COMMD1: variants seen among roughly 807,000 people sequenced by gnomAD.
COMMD1 encodes COMM domain-containing protein 1.
Under a neutral mutation model 17.2 loss-of-function variants are expected in COMMD1, and 10 were observed. That is an observed-to-expected ratio of 0.58 (90% CI 0.36 to 0.99). The LOEUF (loss-of-function observed/expected upper bound fraction) is 0.99, where lower values mean the gene tolerates loss of function less well. Ranked by LOEUF, COMMD1 falls within the 50% of genes least tolerant of loss-of-function variation. The probability of loss-of-function intolerance (pLI) is 0.01; values close to 1 mark genes in which losing one functional copy is unlikely to be tolerated. For missense variants in COMMD1, 270 were observed against 231.8 expected, an observed-to-expected ratio of 1.17 and a Z score of -1.07; for synonymous variants, 97 against 91.6, an observed-to-expected ratio of 1.06 and a Z score of -0.34.
At chr2:62,045,802 A>G (rs1055065983) in intron 2 of COMMD1, among the ~76,000 whole-genome samples, 2 of 131,324 alleles carry the variant, frequency 1.5e-5, no homozygotes, top group African/African-American at 5.9e-5. Flanking sequence ...CAGTGGCGCC[A>G]TCTCGGCCCA....
intron 2 of COMMD1, among the ~76,000 whole-genome samples, chr2:62,103,323 C>G (rs1159355572): frequency 6.6e-6 from 1 of 152,122 alleles, no homozygotes; most frequent in Non-Finnish European, 1.5e-5. Flanking sequence ...AACCTACACA[C>G]AAAAATGGAA....
At chr2:61,967,896 C>T (rs1474128162) in intron 1 of COMMD1, among the ~76,000 whole-genome samples, 1 of 152,170 alleles carries the variant, frequency 6.6e-6, no homozygotes, top group Non-Finnish European at 1.5e-5. Context: ...TGTGGTGGCT[C>T]ATGCCTATAA....
chr2:62,071,201 C>G (rs1046473066), intron 2 of COMMD1, among the ~76,000 whole-genome samples: 4 of 152,180 alleles, frequency 2.6e-5, no homozygotes, highest in Admixed American at 6.5e-5. Context: ...GTTCCTCCCC[C>G]TTTTATACCA....
At chr2:62,065,793 C>T (rs927487829) in intron 2 of COMMD1, among the ~76,000 whole-genome samples, 5 of 152,080 alleles carry the variant, frequency 3.3e-5, no homozygotes, top group Non-Finnish European at 7.4e-5. Context: ...TACCTCAAAG[C>T]AAAAATTAAT....
At chr2:61,945,080 C>T (rs1156537229) in intron 1 of COMMD1, among the ~76,000 whole-genome samples, 2 of 152,092 alleles carry the variant, frequency 1.3e-5, no homozygotes, top group African/African-American at 2.4e-5. Flanking sequence ...ACCAGAACAA[C>T]AACAAAAACC....
At chr2:62,059,839 C>T (rs1395372007) in intron 2 of COMMD1, among the ~76,000 whole-genome samples, 1 of 152,154 alleles carries the variant, frequency 6.6e-6, no homozygotes, top group Non-Finnish European at 1.5e-5. Context: ...GTGCTTACTC[C>T]ATTTGTGTTT....
At chr2:61,970,093 G>A (rs1404754800) in intron 1 of COMMD1, among the ~76,000 whole-genome samples, 1 of 151,644 alleles carries the variant, frequency 6.6e-6, no homozygotes, top group Non-Finnish European at 1.5e-5. Context: ...CCCATCTCTA[G>A]TAAAAATACA....
chr2:61,952,367 G>A (rs879549874), intron 1 of COMMD1, among the ~76,000 whole-genome samples: 6 of 152,104 alleles, frequency 3.9e-5, no homozygotes, highest in Non-Finnish European at 8.8e-5. Flanking sequence ...GTGGCCAGAG[G>A]TGACAGGATT....
chr2:62,024,634 A>G (rs1001856575), intron 2 of COMMD1, among the ~76,000 whole-genome samples: 1 of 152,180 alleles, frequency 6.6e-6, no homozygotes, highest in Non-Finnish European at 1.5e-5. Flanking sequence ...TAGTCTCTTA[A>G]GAGTGTTCTT....
intron 2 of COMMD1, among the ~76,000 whole-genome samples, chr2:62,126,888 G>A (rs1672901387): frequency 1.3e-5 from 2 of 152,162 alleles, no homozygotes; most frequent in Admixed American, 6.5e-5. Context: ...GGGCAAGCAG[G>A]CAAGAGAAAG....
chr2:61,931,284 C>T (rs757906579), intron 1 of COMMD1, among the ~76,000 whole-genome samples: 8 of 151,988 alleles, frequency 5.3e-5, no homozygotes, highest in Admixed American at 3.9e-4. Flanking sequence ...TGCACTCCAA[C>T]CTGGGTAACA....
intron 2 of COMMD1, among the ~76,000 whole-genome samples, chr2:62,074,094 A>G (rs1382772261): frequency 6.6e-6 from 1 of 152,208 alleles, no homozygotes; most frequent in African/African-American, 2.4e-5. Context: ...GGTGAAGTCT[A>G]GAAGGATTCC....
chr2:61,993,146 A>G (rs1486020187), intron 1 of COMMD1, among the ~76,000 whole-genome samples: 3 of 152,180 alleles, frequency 2.0e-5, no homozygotes, highest in African/African-American at 7.2e-5. Context: ...AGCATCCTAT[A>G]TTTATATTAT....
chr2:61,888,568 G>A, upstream of COMMD1: 2 of 1,575,540 alleles, frequency 1.3e-6, no homozygotes, highest in Non-Finnish European at 1.7e-6. Flanking sequence ...ATTCTGGCCG[G>A]CCGCAGTGTA....
At chr2:62,032,499 G>T (rs1044596917) in intron 2 of COMMD1, among the ~76,000 whole-genome samples, 1 of 152,118 alleles carries the variant, frequency 6.6e-6, no homozygotes, top group Non-Finnish European at 1.5e-5. Flanking sequence ...TCATGCCACC[G>T]CACTCCAGCA....
intron 2 of COMMD1, among the ~76,000 whole-genome samples, chr2:62,044,944 T>A (rs1670339296): frequency 6.6e-6 from 1 of 152,082 alleles, no homozygotes; most frequent in Non-Finnish European, 1.5e-5. Context: ...ATTGGGGAAC[T>A]AAGATTGTAA....
chr2:61,966,390 A>C (rs1457695739), intron 1 of COMMD1, among the ~76,000 whole-genome samples: 2 of 152,178 alleles, frequency 1.3e-5, no homozygotes, highest in African/African-American at 4.8e-5. Context: ...AAACCAAATA[A>C]ATTTCTTTTT....
rs139494340 is a variant in COMMD1, at chr2:62,004,082, C to T, written c.462+3100C>T. Among the ~76,000 whole-genome samples, 120 of 151,938 alleles carry T rather than the reference C, an allele frequency of 7.9e-4. 1 individual carries two copies. Among genetic ancestry groups the T allele is most frequent in the African/African-American group, 1.8e-3 (76 of 41,458 alleles). On this transcript the variant is annotated intron_variant, in intron 2 of 2. Coordinates refer to ENST00000311832, the MANE Select transcript of COMMD1 (RefSeq NM_152516.4). ...GGCGGAGGTTGCAGCAAGCCAAGAT[C>T]GGATCACTTCACTTTAGCCTTGGTG...
intron 2 of COMMD1, among the ~76,000 whole-genome samples, chr2:62,015,204 G>A (rs563282092): frequency 8.5e-5 from 13 of 152,070 alleles, no homozygotes; most frequent in Non-Finnish European, 1.8e-4. Flanking sequence ...TCAGCCCCTG[G>A]TAACCTCTTT....
Sources: gnomAD v4.1 joint callset for allele counts (sites outside exome capture counted in the v4.1 genomes callset) on GRCh38, gnomAD v4.1.1 for gene constraint, MANE v1.5 for transcripts, NCBI Gene and HGNC (gene_info 2026-07-23, HGNC 2026-07-21) for gene names.